The following STAT5A variants were observed in gnomAD, a reference collection of about 807,000 sequenced individuals.
The protein encoded by STAT5A is epididymis secretory sperm binding protein.
In STAT5A, 26 loss-of-function variants were observed where a neutral mutation model predicts 100.2. That is an observed-to-expected ratio of 0.26 (90% CI 0.19 to 0.36). The LOEUF is 0.36. Ranked by LOEUF, STAT5A falls within the 10% of genes least tolerant of loss-of-function variation. STAT5A has a pLI of 1.00. For synonymous variants in STAT5A, 330 were observed against 424.3 expected, an observed-to-expected ratio of 0.78 and a Z score of 2.73; for missense variants, 634 against 1,027.5, an observed-to-expected ratio of 0.62 and a Z score of 5.24.
chr17:42,298,154 A>G (rs1173678987), intron 5 of STAT5A, among the ~76,000 whole-genome samples: 1 of 150,196 alleles, frequency 6.7e-6, no homozygotes, highest in South Asian at 2.1e-4. Flanking sequence ...TGTCTTACGT[A>G]TTTCATAATG....
chr17:42,295,698 G>A lies in STAT5A; in HGVS notation c.455G>A (p.Arg152Gln), dbSNP rs141415687. The A allele has an allele frequency of 7.4e-6, 12 of 1,613,856 alleles. No individual in the cohort carries two copies. In the East Asian group the frequency reaches 1.3e-4, roughly 18 times the overall value. ...ATCAACCAGACATTTGAGGAGCTGCGACTGGTCACGCAGGACACAGAGAAT... is the reference window on the plus strand; with the variant it reads ...ATCAACCAGACATTTGAGGAGCTGCAACTGGTCACGCAGGACACAGAGAAT... ...LQINQTFEEL[R>Q]LVTQDTENEL... The change falls in exon 5 of 19, where the codon CGA (arginine) becomes CAA (glutamine). Residue 152 changes from arginine (R) to glutamine (Q), a missense_variant. By Grantham distance (43) the Arg-to-Gln change is conservative. Around this residue, in one of 5 missense-constraint regions of STAT5A, gnomAD observed 207 missense variants for 256.6 expected, o/e 0.81. Coordinates refer to ENST00000590949, the MANE Select transcript of STAT5A (RefSeq NM_001288718.2).
chr17:42,295,582 C>G, intron 4 of STAT5A, 37 bp from the exon 5 acceptor site: 1 of 1,597,750 alleles, frequency 6.3e-7, no homozygotes, highest in Non-Finnish European at 8.5e-7. Context: ...CTCCCATCCT[C>G]TCTTCCCCGA....
rs1208093103 is a variant in STAT5A at position 42,301,416 on chromosome 17, G to A, written c.1131G>A (p.Gln377=). The change falls in exon 9 of 19, where the codon CAG becomes CAA. Residue 377 remains glutamine, a synonymous_variant. Transcript: ENST00000590949. ...TGAAGGCCACCATCATCAGTGAGCA[G>A]CAGGCCAAGTCTCTGCTTAAAAATG... is the stretch of plus-strand genomic sequence containing the variant. ...PQVKATIISE[Q]QAKSLLKNEN... is the part of the protein sequence containing the mutation. 19 of 1,614,064 alleles carry A rather than the reference G, an allele frequency of 1.2e-5. No homozygotes were observed. Among genetic ancestry groups the A allele is most frequent in the Non-Finnish European group, 1.5e-5 (18 of 1,180,026 alleles).
chr17:42,310,001 C>G (rs2144566416), intron 18 of STAT5A, among the ~76,000 whole-genome samples: 1 of 152,338 alleles, frequency 6.6e-6, no homozygotes, highest in Middle Eastern at 3.4e-3. Context: ...TCCACCACCT[C>G]CCAGCCAGGT....
intron 8 of STAT5A, 117 bp from the exon 9 acceptor site, chr17:42,301,158 G>A (rs554494961): frequency 1.7e-5 from 25 of 1,493,180 alleles, no homozygotes; most frequent in Admixed American, 9.5e-5. Context: ...GGTTGTGCCC[G>A]AGCTCATCAC....
chr17:42,299,443 G>A (rs1219792159), intron 5 of STAT5A, among the ~76,000 whole-genome samples: 3 of 152,248 alleles, frequency 2.0e-5, no homozygotes, highest in Non-Finnish European at 4.4e-5. Flanking sequence ...GCTGGGACGC[G>A]AGAAGAGGGC....
rs376310071 is a variant in STAT5A, at chr17:42,291,957, G to A, written c.286-15G>A. The A allele has an allele frequency of 5.0e-6, 8 of 1,613,104 alleles. No homozygotes were observed. The African/African-American group carries it at 6.7e-5, about 13-fold the overall frequency. ...GCAGAGGATGGCGCTGGAGGCTACT[G>A]TTGGATTCTTTCAGAAAACATATGA... On this transcript the variant is annotated splice_polypyrimidine_tract_variant and intron_variant, in intron 3 of 18. Transcript: ENST00000590949.
chr17:42,304,156 G>A lies in STAT5A; in HGVS notation c.1170-186G>A. 1.7e-6 allele frequency: 1 copy of A among 604,316 alleles called. No individual in the cohort carries two copies. Among genetic ancestry groups the A allele is most frequent in the Non-Finnish European group, 2.9e-6 (1 of 341,362 alleles). 37.4% of individuals were successfully genotyped at this position (604,316 alleles called of 1,614,324 possible). A position where few individuals can be genotyped will look rare whatever the true frequency, so the allele number is the denominator to read the frequency against. On this transcript the variant is annotated intron_variant, in intron 9 of 18. Coordinates refer to ENST00000590949, the MANE Select transcript of STAT5A (RefSeq NM_001288718.2). The surrounding 1 kb of genome is among the most constrained non-coding windows in gnomAD (Gnocchi z 4.8). ...CTCACCACTGGAGACCTTGCCTTGG[G>A]TGCTGGGCACCAGGTTGATGGAGAA...
At chr17:42,291,487 C>T (rs146011827) in intron 3 of STAT5A, among the ~76,000 whole-genome samples, 3 of 152,018 alleles carry the variant, frequency 2.0e-5, no homozygotes, top group Non-Finnish European at 4.4e-5. Context: ...GAGGCCGAGG[C>T]GGGTGGATCA....
intron 17 of STAT5A, 82 bp from the exon 18 acceptor site, chr17:42,309,295 C>T: frequency 6.4e-7 from 1 of 1,555,524 alleles, no homozygotes; most frequent in Non-Finnish European, 8.8e-7. Flanking sequence ...CCGAGAAAGA[C>T]AAACATGCCC....
In STAT5A at chr17:42,299,977, T is replaced by C. The variant is rs1415902927; in HGVS notation, c.681+96T>C. ...CTGGGACCAGCATGAGAGCAGAACC[T>C]GGGAGGGCAGGAGGCCTTTTTTCCT... On this transcript the variant is annotated intron_variant, in intron 6 of 18. Transcript: ENST00000590949. The C allele has an allele frequency of 2.0e-4, 282 of 1,414,096 alleles. 4 individuals carry two copies. In the South Asian group the frequency reaches 2.9e-3, roughly 14 times the overall value. 87.6% of individuals were successfully genotyped at this position (1,414,096 alleles called of 1,614,324 possible).
rs2081038998 is a variant in STAT5A, at chr17:42,307,383, G to C, written c.1681-19G>C. 1 of 1,611,808 alleles carries C rather than the reference G, an allele frequency of 6.2e-7. No individual in the cohort carries two copies. The highest frequency in any genetic ancestry group is 8.5e-7 in the Non-Finnish European group (1 of 1,178,972). On this transcript the variant is annotated intron_variant, in intron 13 of 18. Transcript: ENST00000590949. ...GACCTGGGGCACCAGCCCTGACTCG[G>C]GGGTTCCTGGGCCCTCAGGAGAACT...
chr17:42,289,377 C>A (rs763624557), intron 1 of STAT5A, 25 bp from the exon 2 acceptor site: 6 of 1,582,820 alleles, frequency 3.8e-6, no homozygotes, highest in African/African-American at 1.3e-5. Context: ...CAGAGGAGAG[C>A]GCTTCAGCGC....
At chr17:42,290,681 G>A (rs1365219304) in intron 3 of STAT5A, among the ~76,000 whole-genome samples, 2 of 152,216 alleles carry the variant, frequency 1.3e-5, no homozygotes, top group Non-Finnish European at 2.9e-5. Flanking sequence ...GAGGCCAGGG[G>A]CAGGATGGTG....
intron 7 of STAT5A, 124 bp downstream of exon 7, chr17:42,300,405 A>G (rs1348971039): frequency 2.8e-5 from 35 of 1,266,500 alleles, no homozygotes; most frequent in Non-Finnish European, 3.4e-5. Flanking sequence ...TTGTTTCTCC[A>G]GGGAGCCTGG....
intron 3 of STAT5A, among the ~76,000 whole-genome samples, chr17:42,291,350 A>G (rs1265350377): frequency 6.6e-6 from 1 of 152,108 alleles, no homozygotes; most frequent in Non-Finnish European, 1.5e-5. Context: ...CTAACAGACC[A>G]CCGACCTGTA....
Position 42,310,613 on chromosome 17 carries a change from T to A in STAT5A, c.2329T>A (p.Ser777Thr). Residue 777 changes from serine (S) to threonine (T), a missense_variant, in exon 19 of 19, where the codon TCC becomes ACC. Ser to Thr is a moderately conservative substitution (Grantham distance 58). Around this residue, in one of 5 missense-constraint regions of STAT5A, gnomAD observed 88 missense variants for 95.1 expected, o/e 0.92. Coordinates refer to ENST00000590949, the MANE Select transcript of STAT5A (RefSeq NM_001288718.2). ...LLRRPMDSLDSRLSPPAGLFT... is the reference protein window; with the variant it reads ...LLRRPMDSLDTRLSPPAGLFT... ...ACGCCGACCAATGGACAGTCTTGAC[T>A]CCCGCCTCTCGCCCCCTGCCGGTCT... The A allele has an allele frequency of 6.8e-6, 11 of 1,614,110 alleles. No individual in the cohort carries two copies. Among genetic ancestry groups the A allele is most frequent in the Non-Finnish European group, 9.3e-6 (11 of 1,180,032 alleles).
At chr17:42,293,955 C>G (rs538269440) in intron 4 of STAT5A, among the ~76,000 whole-genome samples, 17 of 152,310 alleles carry the variant, frequency 1.1e-4, no homozygotes, top group Non-Finnish European at 2.2e-4. Flanking sequence ...TGGCTCACAT[C>G]TGTAATCCCA....
chr17:42,305,290 G>A (rs2144550161), intron 11 of STAT5A, among the ~76,000 whole-genome samples: 1 of 152,188 alleles, frequency 6.6e-6, no homozygotes, highest in South Asian at 2.1e-4. Context: ...ATCACCTGAG[G>A]TCAGGGGTTC....
Sources: allele counts gnomAD v4.1 joint callset (sites outside exome capture counted in the v4.1 genomes callset), GRCh38; gene constraint gnomAD v4.1.1; regional missense constraint gnomAD v4.1.1; non-coding constraint Gnocchi (gnomAD v3.1); transcripts MANE v1.5; gene names NCBI Gene and HGNC (gene_info 2026-07-23, HGNC 2026-07-21).